Variants in PPP2R2C observed in about 807,000 individuals in gnomAD.
PPP2R2C encodes protein phosphatase 2 regulatory subunit Bgamma.
Under a neutral mutation model 45.3 loss-of-function variants are expected in PPP2R2C, and 10 were observed. The ratio of observed to expected loss-of-function variants is 0.22; its 90% CI spans 0.14 to 0.37. PPP2R2C has a LOEUF of 0.37. PPP2R2C is among the 10% of genes least tolerant of loss of function. The probability of loss-of-function intolerance (pLI) is 1.00; values close to 1 mark genes in which losing one functional copy is unlikely to be tolerated. For missense variants in PPP2R2C, 308 were observed against 619.7 expected (o/e 0.50, Z 5.34); for synonymous variants, 257 against 245.4 (o/e 1.05, Z -0.44).
rs868859484 is a variant in PPP2R2C, at chr4:6,472,360, G to A, written c.-131C>T. 1.4e-5 allele frequency: 16 copies of A among 1,181,008 alleles called. No homozygotes were observed. The African/African-American group carries it at 2.4e-4, about 18-fold the overall frequency. 73.2% of individuals were successfully genotyped at this position (1,181,008 alleles called of 1,614,324 possible). A position where few individuals can be genotyped will look rare whatever the true frequency, so the allele number is the denominator to read the frequency against. ...GCGCGGGCCGCCGGGGCCCCGAAGG[G>A]AGGGCATCGCGGCAGGGGGACGGGC... On this transcript the variant is annotated 5_prime_UTR_variant, in exon 1 of 9. Transcript: ENST00000382599.
intron 1 of PPP2R2C, among the ~76,000 whole-genome samples, chr4:6,558,611 G>T (rs530199819): frequency 6.6e-6 from 1 of 152,162 alleles, no homozygotes; most frequent in African/African-American, 2.4e-5. Context: ...GATTCTTGCC[G>T]CAGAAAGATT....
At chr4:6,536,516 G>C (rs1724619656) in intron 1 of PPP2R2C, among the ~76,000 whole-genome samples, 1 of 152,206 alleles carries the variant, frequency 6.6e-6, no homozygotes, top group Admixed American at 6.5e-5. Context: ...CATTTTAAAA[G>C]AATGTGAATT....
At position 6,337,783 on chromosome 4, in the gene PPP2R2C, C is replaced by T. The variant is rs150218884; in HGVS notation, c.791-4052G>A. Among the ~76,000 whole-genome samples the T allele has an allele frequency of 1.0e-3, 155 of 150,242 alleles. 1 individual carries two copies. The highest frequency in any genetic ancestry group is 3.5e-3 in the African/African-American group (145 of 41,348). ...CGATAGTGGAAACAAAGCCAAACGG[C>T]GCTGGCCCTTGTCGCCCCACTGCTG... On this transcript the variant is annotated intron_variant, in intron 6 of 8. Transcript: ENST00000382599.
At chr4:6,477,835 GT>G (rs1330906244) in intron 2 of PPP2R2C, among the ~76,000 whole-genome samples, 2 of 151,314 alleles carry the variant, frequency 1.3e-5, no homozygotes, top group African/African-American at 2.4e-5. Context: ...CCCACAGCCT[GT>G]CCTCCTTCCA....
intron 1 of PPP2R2C, among the ~76,000 whole-genome samples, chr4:6,538,107 G>C (rs148178214): frequency 9.9e-5 from 15 of 152,132 alleles, no homozygotes; most frequent in African/African-American, 3.4e-4. Flanking sequence ...AAAATGATTA[G>C]TTTTATGTTA....
chr4:6,508,287 G>C (rs1238636368), intron 2 of PPP2R2C, among the ~76,000 whole-genome samples: 1 of 152,178 alleles, frequency 6.6e-6, no homozygotes, highest in Admixed American at 6.5e-5. Context: ...TCTCCCAATA[G>C]AAACAGCTGA....
chr4:6,526,406 C>T (rs569016252), intron 2 of PPP2R2C, among the ~76,000 whole-genome samples: 1 of 152,334 alleles, frequency 6.6e-6, no homozygotes, highest in South Asian at 2.1e-4. Context: ...GTGGTCCTGG[C>T]AATTCTTCAG....
intron 6 of PPP2R2C, among the ~76,000 whole-genome samples, chr4:6,339,549 C>T (rs1209122396): frequency 2.0e-5 from 3 of 152,252 alleles, no homozygotes; most frequent in African/African-American, 7.2e-5. Context: ...CCACCCCCAT[C>T]GTTGTCAGTG....
rs144887279 is a variant in PPP2R2C, at chr4:6,529,154, G to A, written c.49+6117C>T. Among the ~76,000 whole-genome samples the A allele has an allele frequency of 5.4e-3, 821 of 152,346 alleles. 10 individuals are homozygous for A. The highest frequency in any genetic ancestry group is 0.024 in the Middle Eastern group (7 of 294). ...CTGGAGGACGAGGGGCTGCTGGGCC[G>A]TAGGCCTGAACATCTGGCAGCCTCA... is the stretch of plus-strand genomic sequence containing the variant. On this transcript the variant is annotated intron_variant, in intron 2 of 9. Transcript: ENST00000506140.
chr4:6,464,265 A>G (rs756202779), intron 1 of PPP2R2C, among the ~76,000 whole-genome samples: 1 of 152,214 alleles, frequency 6.6e-6, no homozygotes, highest in Non-Finnish European at 1.5e-5. Context: ...TTCATCCTAA[A>G]GTCCACTTGG....
At chr4:6,457,754 A>G (rs1480711223) in intron 1 of PPP2R2C, among the ~76,000 whole-genome samples, 3 of 152,164 alleles carry the variant, frequency 2.0e-5, no homozygotes, top group Non-Finnish European at 2.9e-5. Flanking sequence ...TGAGATGTCA[A>G]GTGCTTTATT....
chr4:6,413,559 AGGCTGG>A (rs1718338919), intron 1 of PPP2R2C, among the ~76,000 whole-genome samples: 1 of 152,198 alleles, frequency 6.6e-6, no homozygotes, highest in Admixed American at 6.5e-5. Flanking sequence ...TGCATCCCAG[AGGCTGG>A]GGATGTTTGT....
intron 1 of PPP2R2C, among the ~76,000 whole-genome samples, chr4:6,536,656 A>G (rs1414797883): frequency 6.6e-6 from 1 of 152,224 alleles, no homozygotes; most frequent in East Asian, 1.9e-4. Context: ...AGAAGGGGGC[A>G]GCTCCACAGG....
At chr4:6,400,634 T>C (rs1395727186) in intron 1 of PPP2R2C, among the ~76,000 whole-genome samples, 2 of 152,234 alleles carry the variant, frequency 1.3e-5, no homozygotes, top group Non-Finnish European at 2.9e-5. Flanking sequence ...AACTAAGGTA[T>C]CTATTGACCT....
chr4:6,460,125 T>C (rs1169511601), intron 1 of PPP2R2C, among the ~76,000 whole-genome samples: 2 of 152,240 alleles, frequency 1.3e-5, no homozygotes, highest in African/African-American at 4.8e-5. Context: ...TTACCAATGA[T>C]GACGGGTGCT....
At chr4:6,390,861 G>A (rs1037835804) in intron 1 of PPP2R2C, among the ~76,000 whole-genome samples, 4 of 152,106 alleles carry the variant, frequency 2.6e-5, no homozygotes, top group Non-Finnish European at 2.9e-5. Flanking sequence ...TTCCACTCTC[G>A]CTGAAGAACC....
At chr4:6,472,644 T>TCGCC (rs1721979381), upstream of PPP2R2C, among the ~76,000 whole-genome samples, 1 of 147,652 alleles carries the variant, frequency 6.8e-6, no homozygotes, top group Non-Finnish European at 1.5e-5. Context: ...CCGCCGCCGC[T>TCGCC]GTCGCAGGCC....
In PPP2R2C at chr4:6,521,093, G is replaced by A. The variant is rs574619732; in HGVS notation, c.49+14178C>T. Among the ~76,000 whole-genome samples the A allele has an allele frequency of 1.1e-3, 175 of 152,332 alleles. 1 individual carries two copies. Among genetic ancestry groups the A allele is most frequent in the African/African-American group, 4.0e-3 (168 of 41,586 alleles). On this transcript the variant is annotated intron_variant, in intron 2 of 9. Coordinates refer to the PPP2R2C transcript ENST00000506140. ...GGAAAGTAAGGTTCGAAAAGGCTAA[G>A]TAACCAGCCTGAGGCCACACAGCAT...
At chr4:6,407,392 G>T (rs1560522997) in intron 1 of PPP2R2C, among the ~76,000 whole-genome samples, 1 of 151,886 alleles carries the variant, frequency 6.6e-6, no homozygotes. Flanking sequence ...AACCCAACTG[G>T]TTTTTTTGTT....
Sources: gnomAD v4.1 joint callset for allele counts (sites outside exome capture counted in the v4.1 genomes callset) on GRCh38, gnomAD v4.1.1 for gene constraint, MANE v1.5 for transcripts, NCBI Gene and HGNC (gene_info 2026-07-23, HGNC 2026-07-21) for gene names.